Variants in TDP2 observed in about 807,000 individuals in gnomAD.
The protein encoded by TDP2 is tyrosyl-DNA phosphodiesterase 2, also known as 5'-Tyr-DNA phosphodiesterase.
In TDP2, 38 loss-of-function variants were observed where a neutral mutation model predicts 42.8. The observed-to-expected ratio is 0.89, with a 90% CI of 0.68 to 1.16. TDP2 has a LOEUF of 1.16. TDP2 is among the 50% of genes most tolerant of loss of function. The probability of loss-of-function intolerance (pLI) is 0.00; values close to 1 mark genes in which losing one functional copy is unlikely to be tolerated. For synonymous variants in TDP2, 173 were observed against 150.6 expected (o/e 1.15, Z -1.09); for missense variants, 439 against 439.3 (o/e 1.00, Z 0.01).
At position 24,650,163 on chromosome 6, in the gene TDP2, C is replaced by T. The variant is rs1777947755; in HGVS notation, c.*625G>A. The T allele has an allele frequency of 6.6e-6, 1 of 152,270 alleles. No homozygotes were observed. Among genetic ancestry groups the T allele is most frequent in the East Asian group, 1.9e-4 (1 of 5,182 alleles). 9.4% of individuals were successfully genotyped at this position (152,270 alleles called of 1,614,324 possible). On this transcript the variant is annotated 3_prime_UTR_variant, in exon 7 of 7. Coordinates refer to ENST00000378198, the MANE Select transcript of TDP2 (RefSeq NM_016614.3). ...AAAATGTCCCATGGTGCTATCAAAC[C>T]GATTTTAACCATCATCAAGCTTAAC...
Position 24,650,830 on chromosome 6 carries a change from A to G in TDP2, c.1047T>C (p.Ser349=), listed in dbSNP as rs952724778. ...LEKLDCGRFP[S]DHWGLLCNLD... is the part of the protein sequence containing the mutation. ...AGTTGCACAGAAGACCCCAGTGATC[A>G]CTAGGAAATCTACCACAGTCCAGTT... The change falls in exon 7 of 7, where the codon AGT becomes AGC. Residue 349 remains serine (S), a synonymous_variant. Coordinates refer to ENST00000378198, the MANE Select transcript of TDP2 (RefSeq NM_016614.3). 9 of 1,614,178 alleles carry G rather than the reference A, an allele frequency of 5.6e-6. No individual in the cohort carries two copies. The highest frequency in any genetic ancestry group is 7.6e-6 in the Non-Finnish European group (9 of 1,180,004).
At position 24,662,066 on chromosome 6, in the gene TDP2, C is replaced by T. The variant is rs140419173; in HGVS notation, c.252-3332G>A. Among the ~76,000 whole-genome samples, 21 of 152,228 alleles carry T rather than the reference C, an allele frequency of 1.4e-4. No individual in the cohort carries two copies. In the South Asian group the frequency reaches 2.3e-3, roughly 17 times the overall value. The stretch of plus-strand genomic sequence containing the variant: ...AAGCAGTATGCTTGGTAAAAGTCAT[C>T]GCCATTCTCCAGTCTCGAGTACCCA... On this transcript the variant is annotated intron_variant, in intron 2 of 6. Coordinates refer to ENST00000378198, the MANE Select transcript of TDP2 (RefSeq NM_016614.3).
At chr6:24,663,577 A>G (rs1163721332) in intron 2 of TDP2, among the ~76,000 whole-genome samples, 1 of 152,190 alleles carries the variant, frequency 6.6e-6, no homozygotes, top group Non-Finnish European at 1.5e-5. Context: ...TCATGGAGGC[A>G]GATCCCTCAT....
chr6:24,660,610 A>C (rs1313600057), intron 2 of TDP2, among the ~76,000 whole-genome samples: 1 of 152,250 alleles, frequency 6.6e-6, no homozygotes, highest in Non-Finnish European at 1.5e-5. Flanking sequence ...ATGATCAACA[A>C]GTCAGAAGAT....
In TDP2 at chr6:24,664,186, G is replaced by C. The variant is rs549184949; in HGVS notation, c.251+2340C>G. ...TACAGATTCTGATTCAGTAGGTCTG[G>C]GTGAGACCTAAGATTCTGCATGTCT... On this transcript the variant is annotated intron_variant, in intron 2 of 6. Transcript: ENST00000378198. 1.6e-4 allele frequency among the ~76,000 whole-genome samples: 25 copies of C among 152,110 alleles called. No individual in the cohort carries two copies. In the South Asian group the frequency reaches 5.2e-3, roughly 32 times the overall value.
At chr6:24,661,995 T>C (rs1169674951) in intron 2 of TDP2, among the ~76,000 whole-genome samples, 1 of 152,206 alleles carries the variant, frequency 6.6e-6, no homozygotes, top group East Asian at 1.9e-4. Context: ...CAAGGTTTAA[T>C]GGATTTAGGG....
rs941592436 is a variant in TDP2 at position 24,658,604 on chromosome 6, T to C, written c.382A>G (p.Asn128Asp). 4 of 1,613,590 alleles carry C rather than the reference T, an allele frequency of 2.5e-6. No individual in the cohort carries two copies. Among genetic ancestry groups the C allele is most frequent in the Admixed American group, 3.3e-5 (2 of 59,926 alleles). Residue 128 changes from asparagine (N) to aspartate (D), a missense_variant, in exon 3 of 7, where the codon AAT (asparagine) becomes GAT (aspartate). Coordinates refer to ENST00000378198, the MANE Select transcript of TDP2 (RefSeq NM_016614.3). The part of the protein sequence containing the change: ...TWNIDGLDLN[N>D]LSERARGVCS... ...ACCCCTCGAGCCCTCTCTGACAGAT[T>C]GTTTAGATCTAATCCATCAATATTC...
At position 24,650,628 on chromosome 6, in the gene TDP2, A is replaced by C. The variant is rs925815591; in HGVS notation, c.*160T>G. 12 of 705,380 alleles carry C rather than the reference A, an allele frequency of 1.7e-5. No homozygotes were observed. Among genetic ancestry groups the C allele is most frequent in the South Asian group, 1.6e-4 (8 of 50,826 alleles). 43.7% of individuals were successfully genotyped at this position (705,380 alleles called of 1,614,324 possible). ...GAATGTGTTCGTTTAAATAAACATT[A>C]ATCTTTAATGTTGAATTCTGAAAAC... On this transcript the variant is annotated 3_prime_UTR_variant, in exon 7 of 7. Coordinates refer to ENST00000378198, the MANE Select transcript of TDP2 (RefSeq NM_016614.3).
intron 2 of TDP2, among the ~76,000 whole-genome samples, chr6:24,664,116 G>A (rs1778194930): frequency 6.6e-6 from 1 of 152,092 alleles, no homozygotes. Flanking sequence ...TTATGTGTTA[G>A]GCCAGTGCTC....
At chr6:24,652,131 T>A (rs1341896501) in intron 6 of TDP2, among the ~76,000 whole-genome samples, 1 of 152,236 alleles carries the variant, frequency 6.6e-6, no homozygotes, top group East Asian at 1.9e-4. Context: ...ATCTTTTCCT[T>A]TTTGGATTGG....
At position 24,654,548 on chromosome 6, in the gene TDP2, A is replaced by C. The variant is rs1212717993; in HGVS notation, c.518-18T>G. 4.4e-6 allele frequency: 6 copies of C among 1,355,846 alleles called. No homozygotes were observed. Among genetic ancestry groups the C allele is most frequent in the Non-Finnish European group, 6.2e-6 (6 of 960,682 alleles). 84.0% of individuals were successfully genotyped at this position (1,355,846 alleles called of 1,614,324 possible). On this transcript the variant is annotated intron_variant, in intron 4 of 6. Transcript: ENST00000378198. The stretch of plus-strand genomic sequence containing the variant: ...TTCATGACCTACAAATGTTTGTGGA[A>C]AAGAATTTAGGCTGAGAAGGTGAGA...
At chr6:24,664,840 A>G (rs1436155209) in intron 2 of TDP2, among the ~76,000 whole-genome samples, 1 of 152,202 alleles carries the variant, frequency 6.6e-6, no homozygotes, top group Non-Finnish European at 1.5e-5. Flanking sequence ...AAGAGACCAC[A>G]GCCTAATCAA....
intron 5 of TDP2, 161 bp downstream of exon 5, chr6:24,654,251 T>C (rs914867829): frequency 1.1e-4 from 48 of 424,472 alleles, no homozygotes; most frequent in African/African-American, 9.5e-4. Flanking sequence ...TTAAAATTTA[T>C]GTAAAAAATT....
rs764184914 is a variant in TDP2 at position 24,666,577 on chromosome 6, T to A, written c.200A>T (p.Glu67Val). 5.6e-6 allele frequency: 9 copies of A among 1,614,162 alleles called. No homozygotes were observed. In the Admixed American group the frequency reaches 1.5e-4, roughly 27 times the overall value. The stretch of plus-strand genomic sequence containing the variant: ...AGGTCGGCGTTCCAAGGCGCTCTCC[T>A]CCACCGGAGGCTCGAAGTAGGAGTT... ...ALNSYFEPPVEESALERRPET... is the reference protein window; with the variant it reads ...ALNSYFEPPVVESALERRPET... Residue 67 changes from glutamate (E) to valine (V), a missense_variant, in exon 2 of 7, where the codon GAG becomes GTG. Transcript: ENST00000378198.
At chr6:24,657,076 T>C (rs143489460) in intron 4 of TDP2, among the ~76,000 whole-genome samples, 84 of 152,350 alleles carry the variant, frequency 5.5e-4, no homozygotes, top group African/African-American at 1.9e-3. Context: ...ACTATACAGT[T>C]GACACTTGAA....
At chr6:24,666,024 A>T in intron 2 of TDP2, 1 of 1,459,700 alleles carries the variant, frequency 6.9e-7, no homozygotes, top group Non-Finnish European at 9.0e-7. Flanking sequence ...AGGGCCTTGT[A>T]AGGCAGCTAC....
intron 2 of TDP2, among the ~76,000 whole-genome samples, chr6:24,665,774 G>A (rs942788699): frequency 6.6e-6 from 1 of 152,084 alleles, no homozygotes; most frequent in African/African-American, 2.4e-5. Flanking sequence ...TACCTAAAAG[G>A]GGACTCTTAC....
intron 5 of TDP2, among the ~76,000 whole-genome samples, chr6:24,654,012 G>A (rs970770061): frequency 2.0e-5 from 3 of 152,044 alleles, no homozygotes; most frequent in Non-Finnish European, 2.9e-5. Flanking sequence ...CCTCTCCTGT[G>A]GCACTTATGC....
Position 24,666,890 on chromosome 6 carries a change from T to G in TDP2, c.-28A>C. 6.2e-7 allele frequency: 1 copy of G among 1,611,476 alleles called. No individual in the cohort carries two copies. Among genetic ancestry groups the G allele is most frequent in the Non-Finnish European group, 8.5e-7 (1 of 1,179,990 alleles). On this transcript the variant is annotated 5_prime_UTR_variant, in exon 1 of 7. Coordinates refer to ENST00000378198, the MANE Select transcript of TDP2 (RefSeq NM_016614.3). ...TCCTGCCGCCTCTGCACCGCCCCTT[T>G]AAGCGGAACAGGAGGCCAACGCGCG...
Sources: gnomAD v4.1 joint callset for allele counts (sites outside exome capture counted in the v4.1 genomes callset) on GRCh38, gnomAD v4.1.1 for gene constraint, MANE v1.5 for transcripts, NCBI Gene and HGNC (gene_info 2026-07-23, HGNC 2026-07-21) for gene names.